Variants in SLC44A5 observed in about 807,000 individuals in gnomAD.
SLC44A5 encodes choline transporter-like protein 5.
Under a neutral mutation model 101.8 loss-of-function variants are expected in SLC44A5, and 57 were observed. The ratio of observed to expected loss-of-function variants is 0.56; its 90% CI spans 0.45 to 0.70. The LOEUF (loss-of-function observed/expected upper bound fraction) is 0.70. SLC44A5 is among the 30% of genes least tolerant of loss of function. The pLI is 0.00. For synonymous variants in SLC44A5, 281 were observed against 290.9 expected (o/e 0.97, Z 0.35); for missense variants, 737 against 853.1 (o/e 0.86, Z 1.70).
intron 1 of SLC44A5, among the ~76,000 whole-genome samples, chr1:75,584,691 G>A (rs1235348780): frequency 6.6e-6 from 1 of 151,966 alleles, no homozygotes; most frequent in Admixed American, 6.6e-5. Flanking sequence ...CGATTCTCAT[G>A]CCTCAGCATT....
the SLC44A5 span, among the ~76,000 whole-genome samples, chr1:75,653,137 C>T: frequency 6.6e-6 from 1 of 152,150 alleles, no homozygotes; most frequent in Non-Finnish European, 1.5e-5. Context: ...TGCAAATAAA[C>T]ATGCCTTCAA....
At chr1:75,314,504 T>C (rs755559643) in intron 4 of SLC44A5, among the ~76,000 whole-genome samples, 6 of 152,194 alleles carry the variant, frequency 3.9e-5, no homozygotes, top group Non-Finnish European at 8.8e-5. Flanking sequence ...GGAGAAGCAG[T>C]CTATCTTTAG....
chr1:75,702,128 G>A, the SLC44A5 span, among the ~76,000 whole-genome samples: 3 of 152,192 alleles, frequency 2.0e-5, no homozygotes, highest in South Asian at 6.2e-4. Flanking sequence ...AGCTACCAAT[G>A]ACTTTCTTCA....
At chr1:75,386,637 A>G (rs1448233810) in intron 3 of SLC44A5, among the ~76,000 whole-genome samples, 24 of 152,302 alleles carry the variant, frequency 1.6e-4, no homozygotes, top group Non-Finnish European at 1.3e-4. Flanking sequence ...ATACTGTCCA[A>G]GGTAATTTAC....
At chr1:75,504,456 T>C (rs1049571772) in intron 2 of SLC44A5, among the ~76,000 whole-genome samples, 3 of 151,620 alleles carry the variant, frequency 2.0e-5, no homozygotes, top group African/African-American at 7.2e-5. Flanking sequence ...TCTTTGTATG[T>C]ATGTCAATAA....
chr1:75,609,891 A>G (rs1182919266), intron 1 of SLC44A5, among the ~76,000 whole-genome samples: 2 of 152,032 alleles, frequency 1.3e-5, no homozygotes. Context: ...AGCATTTATT[A>G]TATCTTATGG....
rs112333692 is a variant in SLC44A5 at position 75,464,991 on chromosome 1, A to G, written c.14-68370T>C. Among the ~76,000 whole-genome samples the G allele has an allele frequency of 1.0e-3, 159 of 152,316 alleles. 2 individuals carry two copies. Among genetic ancestry groups the G allele is most frequent in the African/African-American group, 3.8e-3 (156 of 41,578 alleles). ...CTTGGACAGATATTCTAGACAGAAA[A>G]TCAACAAAGAAACATCATACTTCAT... On this transcript the variant is annotated intron_variant, in intron 2 of 23. Transcript: ENST00000370859.
At chr1:75,685,037 T>C in the SLC44A5 span, among the ~76,000 whole-genome samples, 1 of 152,156 alleles carries the variant, frequency 6.6e-6, no homozygotes, top group Non-Finnish European at 1.5e-5. Context: ...ACCTCAATTC[T>C]CAACTTCTGT....
At chr1:75,214,394 G>A (rs1646920254) in intron 20 of SLC44A5, among the ~76,000 whole-genome samples, 1 of 151,988 alleles carries the variant, frequency 6.6e-6, no homozygotes, top group African/African-American at 2.4e-5. Context: ...AAATGCCAAT[G>A]GACCTAAAGA....
intron 3 of SLC44A5, among the ~76,000 whole-genome samples, chr1:75,387,995 G>T (rs1397082864): frequency 2.0e-5 from 3 of 146,698 alleles, no homozygotes; most frequent in Non-Finnish European, 4.5e-5. Flanking sequence ...CTCACTCATA[G>T]GTGGGAATTG....
chr1:75,260,725 T>C (rs1650424490), intron 6 of SLC44A5, among the ~76,000 whole-genome samples: 1 of 152,146 alleles, frequency 6.6e-6, no homozygotes, highest in South Asian at 2.1e-4. Context: ...ATATACATTC[T>C]TCTCAGCACC....
chr1:75,395,826 A>G (rs1662088602), intron 3 of SLC44A5, among the ~76,000 whole-genome samples: 1 of 152,178 alleles, frequency 6.6e-6, no homozygotes, highest in Non-Finnish European at 1.5e-5. Context: ...AATTGCTAAT[A>G]GAATGGACTT....
At chr1:75,300,819 A>C (rs960939937) in intron 4 of SLC44A5, 134 bp from the exon 5 acceptor site, 20 of 513,868 alleles carry the variant, frequency 3.9e-5, no homozygotes, top group Non-Finnish European at 6.4e-5. Flanking sequence ...TTATTCAATA[A>C]TTTTGAAAGG....
rs145429096 is a variant in SLC44A5, at chr1:75,269,543, CAA to C, written c.260+5413_260+5414del. Reference sequence around the variant, plus strand: ...CTTCTATGGTTTTATATTTTATATACAAAATCATCAATGCTTTAGTGTTTATT... The same window carrying C: ...CTTCTATGGTTTTATATTTTATATACAATCATCAATGCTTTAGTGTTTATT... On this transcript the variant is annotated intron_variant, in intron 6 of 23. Coordinates refer to ENST00000370859, the MANE Select transcript of SLC44A5 (RefSeq NM_001130058.2). Among the ~76,000 whole-genome samples the C allele has an allele frequency of 4.5e-3, 686 of 152,030 alleles. 47 individuals are homozygous for C. The East Asian group carries it at 0.12, about 26-fold the overall frequency.
chr1:75,343,828 G>A (rs900247123), intron 3 of SLC44A5, among the ~76,000 whole-genome samples: 18 of 151,910 alleles, frequency 1.2e-4, no homozygotes, highest in African/African-American at 4.1e-4. Flanking sequence ...TATAAAAGAG[G>A]GCCTGTCATT....
chr1:75,391,655 A>G (rs1375833382), intron 3 of SLC44A5, among the ~76,000 whole-genome samples: 4 of 152,210 alleles, frequency 2.6e-5, no homozygotes, highest in South Asian at 4.1e-4. Context: ...GTGTTGTGGT[A>G]GCTGGCTATC....
At chr1:75,576,267 G>A (rs1349270281) in intron 1 of SLC44A5, among the ~76,000 whole-genome samples, 1 of 151,816 alleles carries the variant, frequency 6.6e-6, no homozygotes, top group Non-Finnish European at 1.5e-5. Flanking sequence ...GATAGAGATA[G>A]AGACAGAGAG....
intron 4 of SLC44A5, among the ~76,000 whole-genome samples, chr1:75,308,806 A>G (rs184713046): frequency 3.9e-5 from 6 of 152,220 alleles, no homozygotes; most frequent in African/African-American, 1.4e-4. Context: ...AAAACAATGA[A>G]TGAACTTCCG....
intron 23 of SLC44A5, chr1:75,206,853 T>C: frequency 3.5e-6 from 2 of 568,804 alleles, no homozygotes; most frequent in Non-Finnish European, 6.2e-6. Flanking sequence ...GACAAATTAG[T>C]GCAGTTTACT....
Sources: gnomAD v4.1 joint callset for allele counts (sites outside exome capture counted in the v4.1 genomes callset) on GRCh38, gnomAD v4.1.1 for gene constraint, MANE v1.5 for transcripts, NCBI Gene and HGNC (gene_info 2026-07-23, HGNC 2026-07-21) for gene names.